The following AFG2A variants were observed in gnomAD, a reference collection of about 807,000 sequenced individuals.
The protein encoded by AFG2A is ATPase family gene 2 protein homolog A.
chr4:122,988,179 T>G, the AFG2A span, among the ~76,000 whole-genome samples: 2 of 151,992 alleles, frequency 1.3e-5, no homozygotes, highest in Admixed American at 1.3e-4. Flanking sequence ...TTTCCTTATT[T>G]GTAATGAGTT....
At chr4:122,995,392 T>C in the AFG2A span, among the ~76,000 whole-genome samples, 1 of 152,168 alleles carries the variant, frequency 6.6e-6, no homozygotes, top group African/African-American at 2.4e-5. Flanking sequence ...CCAGCTTCTC[T>C]TGTGCATTTT....
the AFG2A span, among the ~76,000 whole-genome samples, chr4:123,131,123 C>A: frequency 6.6e-6 from 1 of 152,018 alleles, no homozygotes; most frequent in Non-Finnish European, 1.5e-5. Flanking sequence ...GTTTTCTTTA[C>A]GTATTCTGGA....
chr4:122,960,672 T>C, the AFG2A span, among the ~76,000 whole-genome samples: 863 of 152,306 alleles, frequency 5.7e-3, 7 homozygotes, highest in African/African-American at 0.019. Flanking sequence ...ATAATTATTT[T>C]GTTATTACAG....
At chr4:123,041,522 T>A in the AFG2A span, among the ~76,000 whole-genome samples, 1 of 151,970 alleles carries the variant, frequency 6.6e-6, no homozygotes, top group Admixed American at 6.6e-5. Flanking sequence ...TGGGGTTTTT[T>A]TGTTTGTTTG....
At chr4:122,945,690 A>T in the AFG2A span, among the ~76,000 whole-genome samples, 3 of 152,174 alleles carry the variant, frequency 2.0e-5, no homozygotes, top group African/African-American at 7.2e-5. Context: ...TAGTGAGATG[A>T]ACCTGGTACC....
At chr4:123,018,567 T>G in the AFG2A span, among the ~76,000 whole-genome samples, 1 of 152,180 alleles carries the variant, frequency 6.6e-6, no homozygotes, top group Non-Finnish European at 1.5e-5. Flanking sequence ...TTCATGGTAG[T>G]GTTTATCCTT....
At chr4:123,186,837 T>C in the AFG2A span, among the ~76,000 whole-genome samples, 9 of 152,152 alleles carry the variant, frequency 5.9e-5, no homozygotes, top group South Asian at 6.2e-4. Flanking sequence ...ACCCTATTCA[T>C]TGGCCATTCA....
the AFG2A span, among the ~76,000 whole-genome samples, chr4:123,072,981 A>G: frequency 1.2e-4 from 19 of 152,134 alleles, no homozygotes; most frequent in African/African-American, 4.3e-4. Context: ...TGCTATATGT[A>G]TACACATAAA....
the AFG2A span, among the ~76,000 whole-genome samples, chr4:123,293,984 G>A: frequency 6.6e-6 from 1 of 152,174 alleles, no homozygotes; most frequent in Non-Finnish European, 1.5e-5. Context: ...CTCCATTTGG[G>A]CTATGATTAT....
At chr4:123,040,299 C>T in the AFG2A span, among the ~76,000 whole-genome samples, 59 of 152,004 alleles carry the variant, frequency 3.9e-4, no homozygotes, top group Admixed American at 3.9e-4. Flanking sequence ...TTTTTGATGA[C>T]TTTTGATCTT....
chr4:123,195,334 T>C, the AFG2A span, among the ~76,000 whole-genome samples: 2 of 152,192 alleles, frequency 1.3e-5, no homozygotes, highest in Admixed American at 1.3e-4. Context: ...TATACCAAAA[T>C]GTATTACAAA....
chr4:123,152,277 C>A, the AFG2A span, among the ~76,000 whole-genome samples: 1 of 152,032 alleles, frequency 6.6e-6, no homozygotes, highest in East Asian at 1.9e-4. Context: ...ATTCTGCACA[C>A]GTATCCCAGA....
At chr4:123,227,592 C>G in the AFG2A span, among the ~76,000 whole-genome samples, 11 of 152,258 alleles carry the variant, frequency 7.2e-5, no homozygotes, top group East Asian at 1.7e-3. Context: ...GTTATAATTT[C>G]TGTTCTTTTA....
At chr4:123,286,972 G>A in the AFG2A span, among the ~76,000 whole-genome samples, 1 of 152,062 alleles carries the variant, frequency 6.6e-6, no homozygotes, top group African/African-American at 2.4e-5. Flanking sequence ...AAGCCTTTAT[G>A]GATCACCAGT....
chr4:123,083,624 A>AGT, the AFG2A span, among the ~76,000 whole-genome samples: 1 of 145,870 alleles, frequency 6.9e-6, no homozygotes, highest in Admixed American at 7.0e-5. Flanking sequence ...GCTGGAGTGT[A>AGT]GTGGCACAAT....
At chr4:122,957,729 T>TTTGTTG in the AFG2A span, among the ~76,000 whole-genome samples, 66 of 152,234 alleles carry the variant, frequency 4.3e-4, 2 homozygotes, top group East Asian at 0.012. Flanking sequence ...ACATCTGTTT[T>TTTGTTG]TTGTTGTTGT....
chr4:123,044,803 GCTTA>G, the AFG2A span, among the ~76,000 whole-genome samples: 3 of 150,774 alleles, frequency 2.0e-5, no homozygotes, highest in Non-Finnish European at 4.4e-5. Context: ...TTGTTTCTAT[GCTTA>G]CTTTGAATGG....
chr4:122,983,192 A>G, the AFG2A span, among the ~76,000 whole-genome samples: 1 of 151,960 alleles, frequency 6.6e-6, no homozygotes, highest in Non-Finnish European at 1.5e-5. Context: ...TTTTTTTTAT[A>G]GTAGTCTAGG....
chr4:123,244,370 T>C, the AFG2A span, among the ~76,000 whole-genome samples: 1 of 152,126 alleles, frequency 6.6e-6, no homozygotes, highest in African/African-American at 2.4e-5. Flanking sequence ...CTCTTTGGGG[T>C]GAGAGACAGA....
Sources: allele counts gnomAD v4.1 joint callset (sites outside exome capture counted in the v4.1 genomes callset), GRCh38; gene constraint gnomAD v4.1.1; transcripts MANE v1.5; gene names NCBI Gene and HGNC (gene_info 2026-07-23, HGNC 2026-07-21).